NCAM1: variants seen among roughly 807,000 people sequenced by gnomAD.
NCAM1 encodes neural cell adhesion molecule 1.
A neutral mutation model predicts 109.8 loss-of-function variants in NCAM1; 14 were observed. The ratio of observed to expected loss-of-function variants is 0.13; its 90% CI spans 0.08 to 0.20. The LOEUF is 0.20. Ranked by LOEUF, NCAM1 falls within the 10% of genes least tolerant of loss-of-function variation. The pLI is 1.00. For missense variants in NCAM1, 774 were observed against 1,109.9 expected, an observed-to-expected ratio of 0.70 and a Z score of 4.30; for synonymous variants, 418 against 442.9, an observed-to-expected ratio of 0.94 and a Z score of 0.70.
At chr11:113,051,814 C>T (rs542960158) in intron 1 of NCAM1, among the ~76,000 whole-genome samples, 2 of 152,284 alleles carry the variant, frequency 1.3e-5, no homozygotes, top group Middle Eastern at 6.8e-3. Context: ...ATTACAATGA[C>T]CATCCTTTCA....
At chr11:113,163,567 A>C (rs1304106986) in intron 1 of NCAM1, among the ~76,000 whole-genome samples, 1 of 152,168 alleles carries the variant, frequency 6.6e-6, no homozygotes, top group East Asian at 1.9e-4. Context: ...CTCTCTGGTG[A>C]ATGGTAATAC....
chr11:113,259,616 T>G (rs1287324573), intron 16 of NCAM1, among the ~76,000 whole-genome samples: 1 of 152,012 alleles, frequency 6.6e-6, no homozygotes, highest in Non-Finnish European at 1.5e-5. Context: ...TGCTGTTGCT[T>G]GTGTTTGCCA....
At chr11:113,119,305 T>A (rs546249088) in intron 1 of NCAM1, among the ~76,000 whole-genome samples, 1 of 152,302 alleles carries the variant, frequency 6.6e-6, no homozygotes, top group South Asian at 2.1e-4. Flanking sequence ...AACTACTGTC[T>A]GGAACAATAG....
At chr11:113,185,089 G>GT (rs1565485478) in intron 1 of NCAM1, among the ~76,000 whole-genome samples, 6 of 98,534 alleles carry the variant, frequency 6.1e-5, no homozygotes, top group African/African-American at 2.6e-4. Context: ...TAGAGAGAGA[G>GT]AGAGAGAGAG....
chr11:113,037,238 C>T (rs1952916889), intron 1 of NCAM1, among the ~76,000 whole-genome samples: 2 of 152,318 alleles, frequency 1.3e-5, no homozygotes, highest in South Asian at 4.1e-4. Flanking sequence ...TTATCAGCCA[C>T]CTTTTTAAGA....
At chr11:113,061,277 A>T (rs971350542) in intron 1 of NCAM1, among the ~76,000 whole-genome samples, 2 of 147,470 alleles carry the variant, frequency 1.4e-5, no homozygotes, top group Non-Finnish European at 3.0e-5. Context: ...TTCTATGTTT[A>T]AAAAAAAAAT....
At chr11:113,033,797 A>G (rs1702881694) in intron 1 of NCAM1, among the ~76,000 whole-genome samples, 1 of 152,234 alleles carries the variant, frequency 6.6e-6, no homozygotes, top group Non-Finnish European at 1.5e-5. Flanking sequence ...TCTGGTGGAT[A>G]CTGAAGACAT....
At chr11:112,982,223 G>A (rs1226425551) in intron 1 of NCAM1, among the ~76,000 whole-genome samples, 5 of 151,942 alleles carry the variant, frequency 3.3e-5, no homozygotes, top group East Asian at 1.9e-4. Flanking sequence ...GCCCCTTGTA[G>A]ATAGCCTTTA....
chr11:113,074,718 G>A (rs1375922328), intron 1 of NCAM1, among the ~76,000 whole-genome samples: 5 of 151,962 alleles, frequency 3.3e-5, no homozygotes, highest in African/African-American at 9.7e-5. Context: ...TGCAACCTCC[G>A]CCTCCCAGGT....
intron 1 of NCAM1, among the ~76,000 whole-genome samples, chr11:113,172,242 G>T (rs553720643): frequency 6.6e-6 from 1 of 152,156 alleles, no homozygotes; most frequent in Admixed American, 6.5e-5. Context: ...GTCAGCCCAG[G>T]CTGGGTGGTG....
intron 7 of NCAM1, among the ~76,000 whole-genome samples, chr11:113,210,819 C>CACACACACACACAG (rs1565502131): frequency 1.4e-5 from 2 of 145,322 alleles, no homozygotes; most frequent in East Asian, 4.1e-4. Flanking sequence ...CACACACACA[C>CACACACACACACAG]ACATATTTCA....
chr11:113,171,513 A>T (rs1024888357), intron 1 of NCAM1, among the ~76,000 whole-genome samples: 15 of 152,108 alleles, frequency 9.9e-5, no homozygotes, highest in African/African-American at 3.4e-4. Flanking sequence ...CATGCCTGTA[A>T]TCCCAGCTAC....
At chr11:112,998,726 C>T (rs1555071879) in intron 1 of NCAM1, among the ~76,000 whole-genome samples, 1 of 152,154 alleles carries the variant, frequency 6.6e-6, no homozygotes, top group Non-Finnish European at 1.5e-5. Flanking sequence ...CGATTATCTA[C>T]CCTATTCTTA....
At chr11:113,095,631 G>A (rs1939562131) in intron 1 of NCAM1, among the ~76,000 whole-genome samples, 1 of 152,348 alleles carries the variant, frequency 6.6e-6, no homozygotes, top group South Asian at 2.1e-4. Flanking sequence ...TCAATTAATA[G>A]CAATAGCTGA....
At chr11:113,227,623 C>T (rs1291086298) in intron 9 of NCAM1, among the ~76,000 whole-genome samples, 1 of 152,120 alleles carries the variant, frequency 6.6e-6, no homozygotes, top group Non-Finnish European at 1.5e-5. Context: ...GGCAGAGACA[C>T]AACAGAAAAA....
At chr11:113,151,644 T>C (rs1312027450) in intron 1 of NCAM1, among the ~76,000 whole-genome samples, 2 of 152,262 alleles carry the variant, frequency 1.3e-5, no homozygotes, top group Non-Finnish European at 2.9e-5. Context: ...AAAAGGAATC[T>C]GCAGCTGTCT....
intron 1 of NCAM1, among the ~76,000 whole-genome samples, chr11:113,073,754 G>C (rs1369359432): frequency 6.6e-6 from 1 of 152,174 alleles, no homozygotes; most frequent in East Asian, 1.9e-4. Context: ...GTGGTGTGGA[G>C]GTGGTGGTGG....
intron 1 of NCAM1, among the ~76,000 whole-genome samples, chr11:113,090,957 A>G (rs1238806070): frequency 1.3e-5 from 2 of 152,228 alleles, no homozygotes; most frequent in East Asian, 3.8e-4. Context: ...TGAACAATAG[A>G]CAGTAAACAT....
At chr11:113,140,336 G>A (rs1941768347) in intron 1 of NCAM1, among the ~76,000 whole-genome samples, 1 of 152,106 alleles carries the variant, frequency 6.6e-6, no homozygotes, top group African/African-American at 2.4e-5. Flanking sequence ...GTTGAACACT[G>A]TCCCATGGAT....
Sources: allele counts gnomAD v4.1 joint callset (sites outside exome capture counted in the v4.1 genomes callset), GRCh38; gene constraint gnomAD v4.1.1; transcripts MANE v1.5; gene names NCBI Gene and HGNC (gene_info 2026-07-23, HGNC 2026-07-21).